SEC14L1: variants seen among roughly 807,000 people sequenced by gnomAD.
SEC14L1 encodes SEC14-like protein 1.
SEC14L1 carries 48 observed loss-of-function variants against 85.3 expected under a neutral mutation model. The observed-to-expected ratio is 0.56, with a 90% CI of 0.45 to 0.72. SEC14L1 has a LOEUF of 0.72. SEC14L1 is among the 30% of genes least tolerant of loss of function. The pLI, the probability that SEC14L1 is intolerant of heterozygous loss-of-function variation, is 0.00. For synonymous variants in SEC14L1, 391 were observed against 355.5 expected, an observed-to-expected ratio of 1.10 and a Z score of -1.12; for missense variants, 682 against 921.4, an observed-to-expected ratio of 0.74 and a Z score of 3.36.
intron 7 of SEC14L1, 101 bp downstream of exon 7, chr17:77,195,012 T>C: frequency 1.2e-6 from 1 of 808,086 alleles, no homozygotes; most frequent in Non-Finnish European, 2.0e-6. Flanking sequence ...CTTGGAACAT[T>C]AGATAACTCA....
At position 77,195,315 on chromosome 17, in the gene SEC14L1, TG is replaced by T. The variant is rs202053760; in HGVS notation, c.709+405del. ...CTGGCCTAAGGAAGGTGTTTTTTTT[TG>T]TTTGTTTGTTTGTTTGTTTTGAGAT... On this transcript the variant is annotated intron_variant, in intron 7 of 16. Transcript: ENST00000436233. 3.8e-3 allele frequency among the ~76,000 whole-genome samples: 568 copies of T among 150,780 alleles called. 7 individuals are homozygous for T. The highest frequency in any genetic ancestry group is 5.5e-3 in the East Asian group (28 of 5,110).
chr17:77,140,735 T>A (rs1043404852), upstream of SEC14L1: 4 of 149,670 alleles, frequency 2.7e-5, no homozygotes, highest in African/African-American at 7.4e-5. Flanking sequence ...CATCCAGCAG[T>A]GCGACGGGGC....
rs564913855 is a variant in SEC14L1, at chr17:77,213,854, G to A, written c.2043-64G>A. Reference sequence around the variant, plus strand: ...GGTGGGCCACGAAGTCCAGCAGGCAGTGTGGGCCGGCGGGTGGTTGGCAGG... The same window carrying A: ...GGTGGGCCACGAAGTCCAGCAGGCAATGTGGGCCGGCGGGTGGTTGGCAGG... On this transcript the variant is annotated intron_variant, in intron 16 of 16. Transcript: ENST00000436233. This position sits in a 1 kb window ranked among gnomAD's most constrained non-coding sequence, Gnocchi z 7.1. The A allele has an allele frequency of 2.5e-6, 4 of 1,590,878 alleles. No individual in the cohort carries two copies. The highest frequency in any genetic ancestry group is 3.4e-6 in the Non-Finnish European group (4 of 1,160,526).
intron 3 of SEC14L1, among the ~76,000 whole-genome samples, chr17:77,124,373 AC>A (rs1972383732): frequency 6.6e-6 from 1 of 152,298 alleles, no homozygotes; most frequent in Middle Eastern, 3.4e-3. Context: ...CAAAACAAAA[AC>A]AAAAACCGGA....
At chr17:77,111,495 C>A (rs1473339259) in intron 3 of SEC14L1, among the ~76,000 whole-genome samples, 1 of 151,590 alleles carries the variant, frequency 6.6e-6, no homozygotes, top group Non-Finnish European at 1.5e-5. Context: ...TGCAAGCAGC[C>A]GGCAGCCGGG....
At chr17:77,125,781 C>T (rs1052894694) in intron 3 of SEC14L1, among the ~76,000 whole-genome samples, 5 of 152,108 alleles carry the variant, frequency 3.3e-5, no homozygotes, top group Non-Finnish European at 5.9e-5. Flanking sequence ...GGCTTTTCAC[C>T]GTGACACCAG....
At chr17:77,120,789 A>G (rs1439461864) in intron 3 of SEC14L1, among the ~76,000 whole-genome samples, 1 of 152,058 alleles carries the variant, frequency 6.6e-6, no homozygotes, top group African/African-American at 2.4e-5. Flanking sequence ...TTCTCTCCAT[A>G]TTCTGATTGT....
In SEC14L1 at chr17:77,203,577, G is replaced by A. The variant is rs774097071; in HGVS notation, c.1017G>A (p.Arg339=). The change falls in exon 10 of 17, where the codon CGG becomes CGA. Residue 339 remains arginine (R), a synonymous_variant. Coordinates refer to ENST00000436233, the MANE Select transcript of SEC14L1 (RefSeq NM_001143998.2). The part of the protein sequence containing the change: ...GGWHHHDKDG[R]PLYVLRLGQM... Reference sequence around the variant, plus strand: ...CCTTCCCCTCCTCTGCAGATGGGCGGCCCCTCTACGTGCTCAGGCTGGGGC... The same window carrying A: ...CCTTCCCCTCCTCTGCAGATGGGCGACCCCTCTACGTGCTCAGGCTGGGGC... 1.9e-6 allele frequency: 3 copies of A among 1,613,294 alleles called. No homozygotes were observed. The South Asian group carries it at 3.3e-5, about 18-fold the overall frequency.
intron 3 of SEC14L1, among the ~76,000 whole-genome samples, chr17:77,169,936 C>CT (rs761656594): frequency 2.6e-5 from 4 of 152,166 alleles, no homozygotes; most frequent in Non-Finnish European, 5.9e-5. Flanking sequence ...GAGGTCCAGC[C>CT]TTGACACTTG....
At chr17:77,196,613 AAG>A (rs1975817931) in intron 8 of SEC14L1, among the ~76,000 whole-genome samples, 1 of 152,238 alleles carries the variant, frequency 6.6e-6, no homozygotes, top group Non-Finnish European at 1.5e-5. Context: ...AAGGTGTAAA[AAG>A]AGTTCAGAGA....
intron 3 of SEC14L1, among the ~76,000 whole-genome samples, chr17:77,163,265 A>G (rs1426755263): frequency 6.6e-6 from 1 of 152,194 alleles, no homozygotes; most frequent in Non-Finnish European, 1.5e-5. Context: ...GGAGAAGAAA[A>G]GCTGGGACAC....
At chr17:77,171,600 C>A (rs760070828) in intron 3 of SEC14L1, among the ~76,000 whole-genome samples, 1 of 152,298 alleles carries the variant, frequency 6.6e-6, no homozygotes, top group East Asian at 1.9e-4. Flanking sequence ...GTTAATGAGG[C>A]CTTGCTCTGT....
At chr17:77,157,535 T>A (rs929483669) in intron 3 of SEC14L1, among the ~76,000 whole-genome samples, 2 of 151,742 alleles carry the variant, frequency 1.3e-5, no homozygotes, top group Non-Finnish European at 2.9e-5. Flanking sequence ...TATAACTTTT[T>A]TTTTTTTTTT....
intron 3 of SEC14L1, among the ~76,000 whole-genome samples, chr17:77,148,060 T>A (rs1973392206): frequency 6.7e-6 from 1 of 148,588 alleles, no homozygotes; most frequent in Non-Finnish European, 1.5e-5. Flanking sequence ...TGAGTTGAAG[T>A]GTTTCTTTTT....
Position 77,206,297 on chromosome 17 carries a change from C to T in SEC14L1, c.1238C>T (p.Ala413Val). The change falls in exon 12 of 17, where the codon GCG (alanine) becomes GTG (valine). Residue 413 changes from alanine (A) to valine (V), a missense_variant. Ala to Val is a moderately conservative substitution (Grantham distance 64, BLOSUM62 0). Coordinates refer to ENST00000436233, the MANE Select transcript of SEC14L1 (RefSeq NM_001143998.2). The surrounding 1 kb of genome is among the most constrained non-coding windows in gnomAD (Gnocchi z 4.3). ...MRHLWRPGVKALLRIIEVVEA... is the reference protein window; with the variant it reads ...MRHLWRPGVKVLLRIIEVVEA... The stretch of plus-strand genomic sequence containing the variant: ...CACTTGTGGAGACCTGGTGTGAAAG[C>T]GCTGCTGCGGATCATCGAGGTGGTG... 1 of 1,614,098 alleles carries T rather than the reference C, an allele frequency of 6.2e-7. No individual in the cohort carries two copies. Among genetic ancestry groups the T allele is most frequent in the East Asian group, 2.2e-5 (1 of 44,876 alleles).
intron 7 of SEC14L1, 59 bp from the exon 8 acceptor site, chr17:77,196,143 C>T: frequency 7.4e-7 from 1 of 1,352,294 alleles, no homozygotes; most frequent in Non-Finnish European, 1.1e-6. Context: ...AGCACAAAGA[C>T]TTTGGGAGCC....
rs1284792826 is a variant in SEC14L1, at chr17:77,172,430, G to A, written c.64-18373G>A. 2.0e-5 allele frequency among the ~76,000 whole-genome samples: 3 copies of A among 151,984 alleles called. No individual in the cohort carries two copies. In the East Asian group the frequency reaches 5.8e-4, roughly 29 times the overall value. ...GGTTCTTTGGCTGTGCTGTTTTATAGCCTTTATATGGCCTGGAAAGTGGGG... is the reference window on the plus strand; with the variant it reads ...GGTTCTTTGGCTGTGCTGTTTTATAACCTTTATATGGCCTGGAAAGTGGGG... On this transcript the variant is annotated intron_variant, in intron 3 of 16. Transcript: ENST00000436233.
In SEC14L1 at chr17:77,214,325, G is replaced by A. The variant is rs916061785; in HGVS notation, c.*302G>A. 9 of 1,121,004 alleles carry A rather than the reference G, an allele frequency of 8.0e-6. No individual in the cohort carries two copies. Among genetic ancestry groups the A allele is most frequent in the Admixed American group, 4.5e-5 (1 of 22,048 alleles). 69.4% of individuals were successfully genotyped at this position (1,121,004 alleles called of 1,614,324 possible). On this transcript the variant is annotated 3_prime_UTR_variant, in exon 17 of 17. Transcript: ENST00000436233. ...CTGTACCAATTAAAGGATTGACGTGGTCTCAGATATTGATGCAAAAAATTT... is the reference window on the plus strand; with the variant it reads ...CTGTACCAATTAAAGGATTGACGTGATCTCAGATATTGATGCAAAAAATTT...
chr17:77,112,212 C>T (rs1309187672), intron 3 of SEC14L1, among the ~76,000 whole-genome samples: 1 of 152,142 alleles, frequency 6.6e-6, no homozygotes, highest in Non-Finnish European at 1.5e-5. Context: ...TTGTAAGTTT[C>T]CTGAGACTTT....
Sources: allele counts gnomAD v4.1 joint callset (sites outside exome capture counted in the v4.1 genomes callset), GRCh38; gene constraint gnomAD v4.1.1; non-coding constraint Gnocchi (gnomAD v3.1); transcripts MANE v1.5; gene names NCBI Gene and HGNC (gene_info 2026-07-23, HGNC 2026-07-21).